GRAMD1C: variants seen among roughly 807,000 people sequenced by gnomAD.
GRAMD1C encodes GRAM domain containing 1C, also known as protein Aster-C.
GRAMD1C carries 89 observed loss-of-function variants against 97.8 expected under a neutral mutation model. The ratio of observed to expected loss-of-function variants is 0.91; its 90% confidence interval spans 0.77 to 1.09. GRAMD1C has a LOEUF of 1.09. Among genes scored for constraint, GRAMD1C ranks in the 50% least tolerant of loss-of-function variants. The pLI is 0.00. For synonymous variants in GRAMD1C, 256 were observed against 267.0 expected (o/e 0.96, Z 0.40); for missense variants, 740 against 766.4 (o/e 0.97, Z 0.41).
intron 6 of GRAMD1C, among the ~76,000 whole-genome samples, chr3:113,894,246 A>ATCTG (rs1935847017): frequency 6.6e-6 from 1 of 152,134 alleles, no homozygotes. Context: ...ATATTATAAT[A>ATCTG]TAGGCAGGAT....
At chr3:113,895,270 A>C (rs536374145) in intron 6 of GRAMD1C, among the ~76,000 whole-genome samples, 1 of 152,308 alleles carries the variant, frequency 6.6e-6, no homozygotes, top group South Asian at 2.1e-4. Flanking sequence ...CGATAGAAGA[A>C]AAGATTTCTG....
chr3:113,933,530 G>A lies in GRAMD1C; in HGVS notation c.1229G>A (p.Arg410Gln), dbSNP rs756261763. 1.2e-4 allele frequency: 190 copies of A among 1,611,294 alleles called. No homozygotes were observed. In the Admixed American group the frequency reaches 1.3e-3, roughly 11 times the overall value. Residue 410 changes from arginine (R) to glutamine (Q), a missense_variant, in exon 12 of 18, where the codon CGG becomes CAG. Arg to Gln is a conservative substitution (Grantham distance 43). Transcript: ENST00000358160. ...TEKQTLYKESREARFYLVDSE... is the reference protein window; with the variant it reads ...TEKQTLYKESQEARFYLVDSE... Reference sequence around the variant, plus strand: ...TGGCAGACACTGTATAAAGAAAGTCGGGAAGCACGATTTTATTTGGTAGAT... The same window carrying A: ...TGGCAGACACTGTATAAAGAAAGTCAGGAAGCACGATTTTATTTGGTAGAT...
intron 1 of GRAMD1C, among the ~76,000 whole-genome samples, chr3:113,843,698 T>A (rs1933478066): frequency 6.6e-6 from 1 of 152,228 alleles, no homozygotes; most frequent in African/African-American, 2.4e-5. Flanking sequence ...GGTCTTGAAC[T>A]CCTGGCCTCA....
At chr3:113,945,295 A>C (rs1938013100) in intron 17 of GRAMD1C, 103 bp from the exon 18 acceptor site, 1 of 712,778 alleles carries the variant, frequency 1.4e-6, no homozygotes, top group Non-Finnish European at 2.5e-6. Context: ...AGTATAAACA[A>C]AACTATATTA....
intron 3 of GRAMD1C, 96 bp downstream of exon 3, chr3:113,869,687 C>A: frequency 1.6e-6 from 1 of 634,674 alleles, no homozygotes; most frequent in South Asian, 2.0e-5. Flanking sequence ...AGCCTTTATG[C>A]TAGACAGAAT....
intron 6 of GRAMD1C, among the ~76,000 whole-genome samples, chr3:113,891,407 T>C (rs1355325107): frequency 2.0e-5 from 3 of 152,142 alleles, no homozygotes; most frequent in Non-Finnish European, 4.4e-5. Context: ...ATCTATAATT[T>C]TGTAAGCCTC....
chr3:113,900,897 C>A, intron 6 of GRAMD1C, 134 bp from the exon 7 acceptor site: 1 of 499,280 alleles, frequency 2.0e-6, no homozygotes, highest in Admixed American at 3.5e-5. Flanking sequence ...ACAGAAAGGT[C>A]AAATAACTAC....
chr3:113,942,694 T>G (rs1316231707), intron 17 of GRAMD1C, among the ~76,000 whole-genome samples: 1 of 152,216 alleles, frequency 6.6e-6, no homozygotes, highest in East Asian at 1.9e-4. Context: ...TCCTTAACAA[T>G]GCCTTGGTGT....
At chr3:113,896,625 A>G (rs571936997) in intron 6 of GRAMD1C, among the ~76,000 whole-genome samples, 4 of 152,364 alleles carry the variant, frequency 2.6e-5, no homozygotes, top group Non-Finnish European at 5.9e-5. Flanking sequence ...ATATGCTAAA[A>G]GCACTGCCTT....
At chr3:113,938,022 AAAAT>A in intron 14 of GRAMD1C, 60 bp from the exon 15 acceptor site, 2 of 868,468 alleles carry the variant, frequency 2.3e-6, no homozygotes, top group Non-Finnish European at 3.5e-6. Flanking sequence ...AAAAAAAAAA[AAAAT>A]TTGGATCAGT....
intron 6 of GRAMD1C, among the ~76,000 whole-genome samples, chr3:113,899,409 A>C (rs80273429): frequency 0.045 from 6,859 of 152,238 alleles, 185 homozygotes; most frequent in Middle Eastern, 0.068. Context: ...GTGCATGATC[A>C]TATTATATCT....
At chr3:113,894,077 T>C (rs116422972) in intron 6 of GRAMD1C, among the ~76,000 whole-genome samples, 2,078 of 152,268 alleles carry the variant, frequency 0.014, 38 homozygotes, top group African/African-American at 0.047. Context: ...CAAAGAAATG[T>C]TATTTTCTAT....
chr3:113,872,396 T>TC (rs1231155130), intron 3 of GRAMD1C, among the ~76,000 whole-genome samples: 3 of 137,500 alleles, frequency 2.2e-5, no homozygotes, highest in Non-Finnish European at 4.5e-5. Flanking sequence ...TTTTTCTTTT[T>TC]TTTTTTTTTT....
intron 14 of GRAMD1C, among the ~76,000 whole-genome samples, chr3:113,937,286 G>A (rs1014097345): frequency 3.3e-5 from 5 of 152,032 alleles, no homozygotes; most frequent in African/African-American, 7.3e-5. Context: ...GAGGCTTGTA[G>A]CTTAGTGTTG....
At chr3:113,829,576 A>C (rs1467723859) in intron 1 of GRAMD1C, among the ~76,000 whole-genome samples, 1 of 152,166 alleles carries the variant, frequency 6.6e-6, no homozygotes, top group Non-Finnish European at 1.5e-5. Flanking sequence ...AATAGTTTTT[A>C]ATTACTTGAA....
intron 6 of GRAMD1C, chr3:113,885,512 T>C: frequency 6.2e-7 from 1 of 1,606,588 alleles, no homozygotes; most frequent in Non-Finnish European, 8.5e-7. Flanking sequence ...GATGAGACAC[T>C]TATTCACTCC....
intron 10 of GRAMD1C, among the ~76,000 whole-genome samples, chr3:113,918,104 C>T (rs1936901244): frequency 6.6e-6 from 1 of 152,060 alleles, no homozygotes; most frequent in South Asian, 2.1e-4. Flanking sequence ...AAAGAGATTG[C>T]AGTCAGTAGC....
chr3:113,861,940 G>T (rs1367627909), intron 2 of GRAMD1C, among the ~76,000 whole-genome samples: 4 of 152,052 alleles, frequency 2.6e-5, no homozygotes, highest in Non-Finnish European at 4.4e-5. Context: ...ATGTCAGCAG[G>T]TTCTGTGATG....
chr3:113,845,336 A>G (rs1386458466), intron 2 of GRAMD1C, among the ~76,000 whole-genome samples: 7 of 152,248 alleles, frequency 4.6e-5, no homozygotes, highest in Non-Finnish European at 1.0e-4. Flanking sequence ...GGTGTGATAC[A>G]ACTATAAGTG....
Sources: gnomAD v4.1 joint callset for allele counts (sites outside exome capture counted in the v4.1 genomes callset) on GRCh38, gnomAD v4.1.1 for gene constraint, MANE v1.5 for transcripts, NCBI Gene and HGNC (gene_info 2026-07-23, HGNC 2026-07-21) for gene names.